Variants in HTT observed in about 807,000 individuals in gnomAD.
HTT encodes huntingtin.
Under a neutral mutation model 362.3 loss-of-function variants are expected in HTT, and 104 were observed. The observed-to-expected ratio is 0.29, with a 90% CI of 0.24 to 0.34. The LOEUF (loss-of-function observed/expected upper bound fraction) is 0.34. Ranked by LOEUF, HTT falls within the 10% of genes least tolerant of loss-of-function variation. HTT has a pLI of 1.00. For synonymous variants in HTT, 1,577 were observed against 1,548.7 expected (o/e 1.02, Z -0.43); for missense variants, 3,301 against 3,928.6 (o/e 0.84, Z 4.27).
intron 2 of HTT, among the ~76,000 whole-genome samples, chr4:3,094,735 CGGCTGCCGGGCGGAGG>C (rs1463006169): frequency 1.4e-5 from 2 of 142,984 alleles, no homozygotes; most frequent in East Asian, 4.3e-4. Flanking sequence ...CCGGACGGAG[CGGCTGCCGGGCGGAGG>C]GGCTCCTCAC....
chr4:3,141,855 C>T (rs2110199481), intron 22 of HTT, among the ~76,000 whole-genome samples: 1 of 152,268 alleles, frequency 6.6e-6, no homozygotes. Context: ...TGTTTAAACT[C>T]AGAACTGGCA....
intron 16 of HTT, 82 bp downstream of exon 16, chr4:3,131,857 A>T: frequency 3.7e-6 from 5 of 1,352,636 alleles, no homozygotes; most frequent in Non-Finnish European, 5.2e-6. Context: ...TTTTAGTTTT[A>T]GAGCAGTAAG....
intron 64 of HTT, among the ~76,000 whole-genome samples, chr4:3,236,641 C>G (rs1249280497): frequency 6.6e-6 from 1 of 152,114 alleles, no homozygotes; most frequent in Admixed American, 6.5e-5. Flanking sequence ...GAGGGGAGCC[C>G]ACGGGGCTGT....
chr4:3,215,501 C>T (rs1192765267), intron 51 of HTT, among the ~76,000 whole-genome samples: 1 of 152,156 alleles, frequency 6.6e-6, no homozygotes, highest in Non-Finnish European at 1.5e-5. Context: ...CCACACTCTG[C>T]AGTTATTCTG....
chr4:3,186,856 TTTTTG>T, intron 38 of HTT, 137 bp downstream of exon 38: 1 of 831,100 alleles, frequency 1.2e-6, no homozygotes, highest in Non-Finnish European at 1.8e-6. Flanking sequence ...TTTTTTTTTT[TTTTTG>T]GTGTGGGGGT....
At chr4:3,135,869 A>T in intron 19 of HTT, 35 bp from the exon 20 acceptor site, 1 of 1,558,626 alleles carries the variant, frequency 6.4e-7, no homozygotes, top group Non-Finnish European at 8.7e-7. Context: ...CTGAGTAACT[A>T]AATGATTTCA....
At position 3,166,696 on chromosome 4, in the gene HTT, T is replaced by G. The variant is rs534460379; in HGVS notation, c.3865-5624T>G. On this transcript the variant is annotated intron_variant, in intron 29 of 66. Transcript: ENST00000355072. ...CCTGCATCCCAGGTCGATTTCAGAG[T>G]GCTGCGCTAGCAGTGAGCAAGGCCC... Among the ~76,000 whole-genome samples the G allele has an allele frequency of 1.5e-3, 235 of 152,304 alleles. 3 individuals carry two copies. Among genetic ancestry groups the G allele is most frequent in the African/African-American group, 5.4e-3 (226 of 41,578 alleles).
chr4:3,154,262 T>G, intron 26 of HTT, 31 bp from the exon 27 acceptor site: 1 of 1,514,610 alleles, frequency 6.6e-7, no homozygotes, highest in Non-Finnish European at 8.9e-7. Context: ...TTTTTGTTTT[T>G]TTGTTTTTTG....
At chr4:3,231,035 A>G (rs1272379954) in intron 60 of HTT, among the ~76,000 whole-genome samples, 1 of 152,234 alleles carries the variant, frequency 6.6e-6, no homozygotes, top group Non-Finnish European at 1.5e-5. Context: ...CCAAGTATCC[A>G]TCACCTGCAC....
chr4:3,124,830 T>C (rs997742241), intron 10 of HTT, among the ~76,000 whole-genome samples: 5 of 152,244 alleles, frequency 3.3e-5, no homozygotes, highest in African/African-American at 1.2e-4. Flanking sequence ...TTCTGACTTT[T>C]TCTTTGAAGA....
At chr4:3,091,101 A>G (rs1300150810) in intron 2 of HTT, among the ~76,000 whole-genome samples, 1 of 152,242 alleles carries the variant, frequency 6.6e-6, no homozygotes, top group African/African-American at 2.4e-5. Flanking sequence ...GACAAGAGCA[A>G]AATTCTGTCT....
intron 35 of HTT, 26 bp from the exon 36 acceptor site, chr4:3,180,489 A>G: frequency 1.3e-6 from 2 of 1,535,004 alleles, no homozygotes; most frequent in Admixed American, 2.2e-5. Flanking sequence ...GAAATGCCTG[A>G]TAAGGGTACC....
At chr4:3,086,837 A>G (rs1713233437) in intron 1 of HTT, 102 bp from the exon 2 acceptor site, 2 of 668,176 alleles carry the variant, frequency 3.0e-6, no homozygotes, top group Non-Finnish European at 5.4e-6. Flanking sequence ...CGGTTTATTC[A>G]TAGTAGTCGA....
rs182036122 is a variant in HTT at position 3,085,008 on chromosome 4, C to T, written c.264-1931C>T. 1.7e-3 allele frequency among the ~76,000 whole-genome samples: 260 copies of T among 149,678 alleles called. 2 individuals carry two copies. Among genetic ancestry groups the T allele is most frequent in the Middle Eastern group, 3.5e-3 (1 of 288 alleles). On this transcript the variant is annotated intron_variant, in intron 1 of 66. Transcript: ENST00000355072. ...CAGCCTGGGCGACAGAGCAAGACTC[C>T]GTCTCGGGGGAAAAAAAAAAATAAA...
At chr4:3,085,942 T>C (rs1342248224) in intron 1 of HTT, among the ~76,000 whole-genome samples, 1 of 152,206 alleles carries the variant, frequency 6.6e-6, no homozygotes, top group Non-Finnish European at 1.5e-5. Context: ...GAAGTCTTAA[T>C]AGGAGGCTTA....
intron 29 of HTT, among the ~76,000 whole-genome samples, chr4:3,164,010 G>A (rs2110221916): frequency 6.6e-6 from 1 of 151,884 alleles, no homozygotes; most frequent in African/African-American, 2.4e-5. Context: ...TCTTTTAATT[G>A]TGATGTTAGG....
Position 3,107,437 on chromosome 4 carries a change from C to T in HTT, c.747+14C>T, listed in dbSNP as rs756340187. On this transcript the variant is annotated intron_variant, in intron 6 of 66. Coordinates refer to ENST00000355072, the MANE Select transcript of HTT (RefSeq NM_001388492.1). Reference sequence around the variant, plus strand: ...AATGAAATTAAGGTATGATTGTTGCCTCAGGTCACAAACATGCGAGTGATG... The same window carrying T: ...AATGAAATTAAGGTATGATTGTTGCTTCAGGTCACAAACATGCGAGTGATG... 3.1e-6 allele frequency: 5 copies of T among 1,613,724 alleles called. No homozygotes were observed. The East Asian group carries it at 8.9e-5, about 29-fold the overall frequency.
chr4:3,230,058 C>A lies in HTT; in HGVS notation c.8265+16C>A. ...CCTTGGGATGGTAAGTGACAGGTGG[C>A]ACAGAGGTTTCTGTGCTGAAGCCAC... On this transcript the variant is annotated intron_variant, in intron 60 of 66. Coordinates refer to ENST00000355072, the MANE Select transcript of HTT (RefSeq NM_001388492.1). The A allele has an allele frequency of 6.2e-7, 1 of 1,611,648 alleles. No individual in the cohort carries two copies. Among genetic ancestry groups the A allele is most frequent in the Non-Finnish European group, 8.5e-7 (1 of 1,177,882 alleles).
intron 48 of HTT, 49 bp downstream of exon 48, chr4:3,212,191 A>G: frequency 7.3e-7 from 1 of 1,378,596 alleles, no homozygotes. Flanking sequence ...TTCCAGGGCC[A>G]GTATAGTACT....
Sources: gnomAD v4.1 joint callset for allele counts (sites outside exome capture counted in the v4.1 genomes callset) on GRCh38, gnomAD v4.1.1 for gene constraint, MANE v1.5 for transcripts, NCBI Gene and HGNC (gene_info 2026-07-23, HGNC 2026-07-21) for gene names.